TYW1B: variants seen among roughly 807,000 people sequenced by gnomAD.
TYW1B encodes S-adenosyl-L-methionine-dependent tRNA 4-demethylwyosine synthase TYW1B.
Under a neutral mutation model 86.9 loss-of-function variants are expected in TYW1B, and 73 were observed. The ratio of observed to expected loss-of-function variants is 0.84; its 90% CI spans 0.70 to 1.02. The LOEUF (loss-of-function observed/expected upper bound fraction) is 1.02, where lower values mean the gene tolerates loss of function less well. Ranked by LOEUF, TYW1B falls within the 50% of genes least tolerant of loss-of-function variation. TYW1B has a pLI of 0.00. For synonymous variants in TYW1B, 248 were observed against 292.8 expected, an observed-to-expected ratio of 0.85 and a Z score of 1.56; for missense variants, 637 against 827.4, an observed-to-expected ratio of 0.77 and a Z score of 2.82.
At chr7:72,746,960 T>C (rs576845190) in intron 7 of TYW1B, among the ~76,000 whole-genome samples, 1 of 152,354 alleles carries the variant, frequency 6.6e-6, no homozygotes, top group South Asian at 2.1e-4. Flanking sequence ...TTAATTTTTA[T>C]ATAAGGTGTG....
intron 7 of TYW1B, among the ~76,000 whole-genome samples, chr7:72,766,876 G>A (rs1787780237): frequency 6.6e-6 from 1 of 151,960 alleles, no homozygotes; most frequent in Non-Finnish European, 1.5e-5. Flanking sequence ...GCAGAGAGCT[G>A]AGATCACACC....
intron 5 of TYW1B, 123 bp downstream of exon 5, chr7:72,806,943 G>C (rs1788506627): frequency 7.4e-7 from 1 of 1,358,982 alleles, no homozygotes; most frequent in Admixed American, 2.5e-5. Context: ...GCGAGCCACT[G>C]CACTCAGCCA....
chr7:72,685,444 T>C (rs1437798276), intron 11 of TYW1B, among the ~76,000 whole-genome samples: 1 of 152,200 alleles, frequency 6.6e-6, no homozygotes, highest in Non-Finnish European at 1.5e-5. Context: ...ATGTATGTGA[T>C]ATTGTTGCAA....
At chr7:72,702,624 T>A (rs1298089713) in intron 10 of TYW1B, among the ~76,000 whole-genome samples, 1 of 152,018 alleles carries the variant, frequency 6.6e-6, no homozygotes, top group Non-Finnish European at 1.5e-5. Context: ...TGACCTCAAA[T>A]GATCCGCCCA....
chr7:72,788,848 T>G (rs1418343527), intron 6 of TYW1B, among the ~76,000 whole-genome samples: 3 of 150,948 alleles, frequency 2.0e-5, no homozygotes, highest in African/African-American at 4.9e-5. Context: ...TTTGTATTTT[T>G]GAGACAAGGT....
At chr7:72,631,328 C>A (rs561266816) in intron 11 of TYW1B, among the ~76,000 whole-genome samples, 11 of 152,194 alleles carry the variant, frequency 7.2e-5, no homozygotes, top group African/African-American at 2.6e-4. Context: ...GCCTGGTCAA[C>A]GTGGTGAAAC....
chr7:72,737,619 C>T (rs1329187133), intron 8 of TYW1B, among the ~76,000 whole-genome samples: 1 of 152,176 alleles, frequency 6.6e-6, no homozygotes, highest in Non-Finnish European at 1.5e-5. Flanking sequence ...ACACAAAATA[C>T]TTGATTATTT....
intron 7 of TYW1B, among the ~76,000 whole-genome samples, chr7:72,759,787 A>G (rs1388841975): frequency 1.3e-5 from 2 of 152,252 alleles, no homozygotes; most frequent in African/African-American, 2.4e-5. Flanking sequence ...TTTACGAATT[A>G]CAACAGCTCC....
chr7:72,770,703 A>C (rs188403878), intron 7 of TYW1B, among the ~76,000 whole-genome samples: 2 of 152,266 alleles, frequency 1.3e-5, no homozygotes, highest in East Asian at 1.9e-4. Flanking sequence ...GTACATTCAC[A>C]AAGTCTTGTG....
chr7:72,662,322 A>T (rs1466589712), intron 11 of TYW1B, among the ~76,000 whole-genome samples: 4 of 152,202 alleles, frequency 2.6e-5, no homozygotes, highest in Admixed American at 1.3e-4. Flanking sequence ...GTGTTCCTTC[A>T]GCCACTGGAC....
chr7:72,719,522 T>C (rs560465681), intron 9 of TYW1B, among the ~76,000 whole-genome samples: 2 of 149,478 alleles, frequency 1.3e-5, no homozygotes, highest in Admixed American at 1.3e-4. Flanking sequence ...TCCTAGCTAT[T>C]CGGGAGGCTG....
chr7:72,798,029 ACACACACACG>A (rs1788337451), intron 6 of TYW1B, among the ~76,000 whole-genome samples: 2 of 119,562 alleles, frequency 1.7e-5, no homozygotes, highest in African/African-American at 6.1e-5. Context: ...ACACACACAC[ACACACACACG>A]CACACACATA....
chr7:72,664,560 T>C (rs1479494831), intron 11 of TYW1B, among the ~76,000 whole-genome samples: 1 of 151,924 alleles, frequency 6.6e-6, no homozygotes, highest in East Asian at 1.9e-4. Flanking sequence ...TGAGAACACA[T>C]GGACACATAG....
At chr7:72,619,309 T>G (rs1270763351) in intron 12 of TYW1B, among the ~76,000 whole-genome samples, 5 of 152,066 alleles carry the variant, frequency 3.3e-5, no homozygotes, top group Admixed American at 3.3e-4. Context: ...GTAACAGAGC[T>G]TAAGGTGAAT....
intron 13 of TYW1B, among the ~76,000 whole-genome samples, chr7:72,601,500 C>A (rs1188179317): frequency 6.6e-6 from 1 of 152,076 alleles, no homozygotes; most frequent in African/African-American, 2.4e-5. Flanking sequence ...TATGATCCAG[C>A]AATTGCACTT....
chr7:72,731,773 C>G (rs1554460011), intron 8 of TYW1B, among the ~76,000 whole-genome samples: 1 of 152,040 alleles, frequency 6.6e-6, no homozygotes, highest in Non-Finnish European at 1.5e-5. Flanking sequence ...GAAACCACGT[C>G]TCTACTAAAA....
At chr7:72,608,523 A>C (rs1188891164) in intron 13 of TYW1B, among the ~76,000 whole-genome samples, 6 of 152,356 alleles carry the variant, frequency 3.9e-5, no homozygotes, top group Admixed American at 1.3e-4. Context: ...ACCACTAAAA[A>C]GTCTATACGA....
rs572417522 is a variant in TYW1B, at chr7:72,732,259, A to T, written c.1083-3328T>A. On this transcript the variant is annotated intron_variant, in intron 8 of 13. Transcript: ENST00000620995. ...CAGAAAATCAGTAAAGAAACACCAG[A>T]TTTAAACCATAGGACAAACTGACCT... Among the ~76,000 whole-genome samples, 4 of 152,320 alleles carry T rather than the reference A, an allele frequency of 2.6e-5. No homozygotes were observed. The South Asian group carries it at 8.3e-4, about 32-fold the overall frequency.
chr7:72,598,969 G>C (rs1217735617), intron 13 of TYW1B, among the ~76,000 whole-genome samples: 2 of 152,112 alleles, frequency 1.3e-5, no homozygotes, highest in African/African-American at 4.8e-5. Flanking sequence ...TTTAAGAAAG[G>C]AATAACATCC....
Sources: allele counts gnomAD v4.1 joint callset (sites outside exome capture counted in the v4.1 genomes callset), GRCh38; gene constraint gnomAD v4.1.1; transcripts MANE v1.5; gene names NCBI Gene and HGNC (gene_info 2026-07-23, HGNC 2026-07-21).